Variants in ROR1 observed in about 807,000 individuals in gnomAD.
The protein encoded by ROR1 is inactive tyrosine-protein kinase transmembrane receptor ROR1.
ROR1 carries 19 observed loss-of-function variants against 78.8 expected under a neutral mutation model. The observed-to-expected ratio is 0.24, with a 90% CI of 0.17 to 0.35. ROR1 has a LOEUF of 0.35. ROR1 is among the 10% of genes least tolerant of loss of function. The pLI, the probability that ROR1 is intolerant of heterozygous loss-of-function variation, is 1.00. For missense variants in ROR1, 917 were observed against 1,177.8 expected, an observed-to-expected ratio of 0.78 and a Z score of 3.24; for synonymous variants, 386 against 433.6, an observed-to-expected ratio of 0.89 and a Z score of 1.36.
chr1:64,118,139 G>C (rs1408594235), intron 4 of ROR1, among the ~76,000 whole-genome samples: 1 of 152,190 alleles, frequency 6.6e-6, no homozygotes, highest in African/African-American at 2.4e-5. Flanking sequence ...GTAGGTCAAG[G>C]TTGCAGTGAG....
Position 63,960,783 on chromosome 1 carries a change from A to T in ROR1, c.92-48522A>T, listed in dbSNP as rs544059832. On this transcript the variant is annotated intron_variant, in intron 1 of 8. Coordinates refer to ENST00000371079, the MANE Select transcript of ROR1 (RefSeq NM_005012.4). ...TTAAATTTCATTTTTCTAAAAAAAT[A>T]CAAAAAGGATTAGGTTTTTGAGGAG... Among the ~76,000 whole-genome samples, 6 of 152,340 alleles carry T rather than the reference A, an allele frequency of 3.9e-5. No homozygotes were observed. The East Asian group carries it at 1.2e-3, about 29-fold the overall frequency.
In ROR1 at chr1:64,179,024, G is replaced by GAAAAA. The variant is rs10709706; in HGVS notation, c.*187_*191dup. 9.5e-5 allele frequency: 15 copies of GAAAAA among 157,826 alleles called. No individual in the cohort carries two copies. The highest frequency in any genetic ancestry group is 3.2e-4 in the South Asian group (4 of 12,538). 9.8% of individuals were successfully genotyped at this position (157,826 alleles called of 1,614,324 possible). On this transcript the variant is annotated 3_prime_UTR_variant, in exon 9 of 9. Coordinates refer to ENST00000371079, the MANE Select transcript of ROR1 (RefSeq NM_005012.4). ...ACCAAGCAGGACAGACACTCGGCCA[G>GAAAAA]AAAAAAAAAAAAAAAAAAAAAACAA...
At chr1:63,812,696 C>A (rs1644867878) in intron 1 of ROR1, among the ~76,000 whole-genome samples, 1 of 152,142 alleles carries the variant, frequency 6.6e-6, no homozygotes, top group Non-Finnish European at 1.5e-5. Context: ...CATAATATAA[C>A]TTTGGGTGTT....
At chr1:63,856,303 A>C (rs1645148421) in intron 1 of ROR1, among the ~76,000 whole-genome samples, 1 of 152,224 alleles carries the variant, frequency 6.6e-6, no homozygotes, top group South Asian at 2.1e-4. Context: ...AGACTGAAAT[A>C]GTTGTACTTA....
intron 1 of ROR1, among the ~76,000 whole-genome samples, chr1:63,926,460 T>G (rs1029363163): frequency 2.2e-4 from 34 of 152,294 alleles, no homozygotes; most frequent in African/African-American, 6.7e-4. Flanking sequence ...CCAGCTTTGT[T>G]CTTTCAGCTT....
At chr1:63,877,540 C>T (rs933057989) in intron 1 of ROR1, among the ~76,000 whole-genome samples, 6 of 151,892 alleles carry the variant, frequency 4.0e-5, no homozygotes, top group Admixed American at 3.3e-4. Flanking sequence ...AGGGATTGGC[C>T]CTGGAGGGAG....
chr1:63,984,348 C>T (rs544510342), intron 1 of ROR1, among the ~76,000 whole-genome samples: 1 of 152,238 alleles, frequency 6.6e-6, no homozygotes, highest in South Asian at 2.1e-4. Flanking sequence ...ACTGCCCTCC[C>T]CCAATAAAAT....
intron 1 of ROR1, among the ~76,000 whole-genome samples, chr1:63,897,643 C>T (rs1380084355): frequency 1.3e-5 from 2 of 152,156 alleles, no homozygotes; most frequent in African/African-American, 4.8e-5. Context: ...CCCAACAGGA[C>T]ATCAGCAGCA....
At chr1:63,828,640 T>G (rs928781374) in intron 1 of ROR1, among the ~76,000 whole-genome samples, 1 of 152,240 alleles carries the variant, frequency 6.6e-6, no homozygotes, top group African/African-American at 2.4e-5. Flanking sequence ...TCAGAGCATG[T>G]TATTTGATTC....
intron 1 of ROR1, among the ~76,000 whole-genome samples, chr1:63,792,348 C>T (rs750784880): frequency 1.9e-4 from 29 of 152,182 alleles, no homozygotes; most frequent in Non-Finnish European, 2.6e-4. Context: ...CAACCCTATT[C>T]GGTAGGTCCT....
At chr1:63,826,474 T>G (rs1481631603) in intron 1 of ROR1, among the ~76,000 whole-genome samples, 1 of 152,208 alleles carries the variant, frequency 6.6e-6, no homozygotes, top group Non-Finnish European at 1.5e-5. Flanking sequence ...ATACCACATT[T>G]TCTTTATCTA....
intron 4 of ROR1, among the ~76,000 whole-genome samples, chr1:64,081,052 T>C (rs1024332915): frequency 1.3e-5 from 2 of 152,142 alleles, no homozygotes; most frequent in African/African-American, 4.8e-5. Flanking sequence ...AATTAGGCCT[T>C]TGTAGCTCTA....
At position 64,102,771 on chromosome 1, in the gene ROR1, T is replaced by C. The variant is rs192564088; in HGVS notation, c.483-34598T>C. Among the ~76,000 whole-genome samples the C allele has an allele frequency of 3.9e-3, 588 of 152,276 alleles. 2 individuals carry two copies. Among genetic ancestry groups the C allele is most frequent in the Admixed American group, 7.7e-3 (117 of 15,290 alleles). ...CTCCGAGCCATGGTCTAGGGCAGGA[T>C]TTTTTTAACCTTGACACTTGAACCT... is the stretch of plus-strand genomic sequence containing the variant. On this transcript the variant is annotated intron_variant, in intron 4 of 8. Coordinates refer to ENST00000371079, the MANE Select transcript of ROR1 (RefSeq NM_005012.4).
intron 4 of ROR1, among the ~76,000 whole-genome samples, chr1:64,089,737 G>A (rs1647180400): frequency 6.6e-6 from 1 of 152,170 alleles, no homozygotes; most frequent in African/African-American, 2.4e-5. Context: ...GCAGGAAAAG[G>A]TTTGTTATTC....
At chr1:63,854,275 A>G (rs1002121478) in intron 1 of ROR1, among the ~76,000 whole-genome samples, 3 of 152,164 alleles carry the variant, frequency 2.0e-5, no homozygotes, top group African/African-American at 7.2e-5. Context: ...GTCAGGGCTT[A>G]TCTAAATCTT....
In ROR1 at chr1:64,178,819, T is replaced by C. The variant is rs1557686676; in HGVS notation, c.2778T>C (p.His926=). The change falls in exon 9 of 9, where the codon CAT becomes CAC. Residue 926 remains histidine (H), a synonymous_variant. Transcript: ENST00000371079. This position sits in a 1 kb window ranked among gnomAD's most constrained non-coding sequence, Gnocchi z 4.3. ...QASLLGDANI[H]GHTESMISAE... The stretch of plus-strand genomic sequence containing the variant: ...CTTTACTAGGAGACGCCAATATTCA[T>C]GGACACACCGAATCTATGATTTCTG... 1 of 1,614,070 alleles carries C rather than the reference T, an allele frequency of 6.2e-7. No individual in the cohort carries two copies.
intron 4 of ROR1, among the ~76,000 whole-genome samples, chr1:64,125,547 G>A (rs1404396425): frequency 2.0e-5 from 3 of 152,178 alleles, no homozygotes; most frequent in Admixed American, 6.5e-5. Flanking sequence ...TCCGTACTAC[G>A]AGCCCCACAT....
chr1:64,155,482 C>CT (rs1412781680), intron 7 of ROR1, among the ~76,000 whole-genome samples: 1 of 148,602 alleles, frequency 6.7e-6, no homozygotes, highest in Non-Finnish European at 1.5e-5. Flanking sequence ...CACTGGGCCC[C>CT]TTGTGCTTGT....
intron 4 of ROR1, among the ~76,000 whole-genome samples, chr1:64,124,290 CTAAATT>C (rs1223576569): frequency 6.6e-6 from 1 of 152,162 alleles, no homozygotes; most frequent in Non-Finnish European, 1.5e-5. Context: ...TGATGAAAGT[CTAAATT>C]TAAATTATAA....
Sources: gnomAD v4.1 joint callset for allele counts (sites outside exome capture counted in the v4.1 genomes callset) on GRCh38, gnomAD v4.1.1 for gene constraint, Gnocchi (gnomAD v3.1) non-coding constraint, MANE v1.5 for transcripts, NCBI Gene and HGNC (gene_info 2026-07-23, HGNC 2026-07-21) for gene names.